Variants in OPCML observed in about 807,000 individuals in gnomAD.
OPCML encodes opioid-binding protein/cell adhesion molecule.
Under a neutral mutation model 37.8 loss-of-function variants are expected in OPCML, and 13 were observed. The observed-to-expected ratio is 0.34, with a 90% CI of 0.22 to 0.55. The LOEUF (loss-of-function observed/expected upper bound fraction) is 0.55, where lower values mean the gene tolerates loss of function less well. Ranked by LOEUF, OPCML falls within the 20% of genes least tolerant of loss-of-function variation. The pLI is 0.91. For missense variants in OPCML, 341 were observed against 435.6 expected, an observed-to-expected ratio of 0.78 and a Z score of 1.93; for synonymous variants, 176 against 168.8, an observed-to-expected ratio of 1.04 and a Z score of -0.33.
intron 1 of OPCML, among the ~76,000 whole-genome samples, chr11:133,390,331 C>A (rs181485540): frequency 6.6e-6 from 1 of 151,914 alleles, no homozygotes; most frequent in African/African-American, 2.4e-5. Flanking sequence ...GGTGTGGTGG[C>A]GGGCGCCTGT....
intron 2 of OPCML, among the ~76,000 whole-genome samples, chr11:132,809,530 T>C (rs1939207146): frequency 6.6e-6 from 1 of 152,186 alleles, no homozygotes; most frequent in African/African-American, 2.4e-5. Flanking sequence ...ATTATAAATC[T>C]TAACAACATT....
At chr11:133,238,667 C>T (rs1443140724) in intron 1 of OPCML, among the ~76,000 whole-genome samples, 2 of 152,012 alleles carry the variant, frequency 1.3e-5, no homozygotes, top group Admixed American at 6.6e-5. Context: ...CCTGAAGTCT[C>T]GGAGTCATAA....
chr11:133,403,610 C>T (rs1424971242), intron 1 of OPCML, among the ~76,000 whole-genome samples: 1 of 152,044 alleles, frequency 6.6e-6, no homozygotes, highest in African/African-American at 2.4e-5. Context: ...AGGAGATTAC[C>T]CTTTTATGGC....
chr11:132,804,636 G>A (rs1463422010), intron 2 of OPCML, among the ~76,000 whole-genome samples: 1 of 152,170 alleles, frequency 6.6e-6, no homozygotes, highest in Admixed American at 6.5e-5. Context: ...TGGTCCTATG[G>A]TGTAATGACT....
At chr11:133,091,449 A>C (rs1156985638) in intron 1 of OPCML, among the ~76,000 whole-genome samples, 1 of 152,216 alleles carries the variant, frequency 6.6e-6, no homozygotes, top group East Asian at 1.9e-4. Flanking sequence ...GCACCTCTTC[A>C]ATAATGCAAA....
At chr11:133,442,770 T>C (rs980656327) in intron 1 of OPCML, among the ~76,000 whole-genome samples, 1 of 151,652 alleles carries the variant, frequency 6.6e-6, no homozygotes, top group African/African-American at 2.4e-5. Flanking sequence ...TGTGTGTCTT[T>C]TTTGAGGGAA....
At chr11:133,274,276 T>C (rs926271648) in intron 1 of OPCML, among the ~76,000 whole-genome samples, 2 of 152,192 alleles carry the variant, frequency 1.3e-5, no homozygotes, top group African/African-American at 2.4e-5. Context: ...GATTTGGCTA[T>C]AGAGTCTTGG....
intron 1 of OPCML, among the ~76,000 whole-genome samples, chr11:133,449,245 C>G (rs1006470605): frequency 6.6e-6 from 1 of 152,216 alleles, no homozygotes; most frequent in Non-Finnish European, 1.5e-5. Context: ...AAGCTTTTTT[C>G]TGCAAAAGGA....
intron 2 of OPCML, among the ~76,000 whole-genome samples, chr11:132,736,419 A>G (rs899779585): frequency 6.6e-6 from 1 of 152,214 alleles, no homozygotes; most frequent in Non-Finnish European, 1.5e-5. Context: ...TTGGAGGAAT[A>G]TGAATGGTTA....
intron 1 of OPCML, among the ~76,000 whole-genome samples, chr11:133,480,238 T>G (rs1947345353): frequency 6.6e-6 from 1 of 152,230 alleles, no homozygotes; most frequent in Admixed American, 6.5e-5. Context: ...TGCCCTGAAC[T>G]GGCTCTGTTG....
At chr11:133,081,203 A>T (rs1948711158) in intron 1 of OPCML, among the ~76,000 whole-genome samples, 1 of 152,008 alleles carries the variant, frequency 6.6e-6, no homozygotes, top group Non-Finnish European at 1.5e-5. Context: ...CATCCCTTAT[A>T]TTTACAGGAC....
chr11:132,758,452 C>T (rs1946139672), intron 2 of OPCML, among the ~76,000 whole-genome samples: 2 of 151,102 alleles, frequency 1.3e-5, no homozygotes, highest in African/African-American at 2.4e-5. Flanking sequence ...AATGATTTTC[C>T]GTTTGTGTCC....
chr11:133,106,525 G>C (rs1027360294), intron 1 of OPCML, among the ~76,000 whole-genome samples: 1 of 152,234 alleles, frequency 6.6e-6, no homozygotes, highest in Admixed American at 6.5e-5. Flanking sequence ...TCCCCTAGCA[G>C]TGTAAGGAAC....
chr11:132,964,736 C>T (rs1252270347), intron 1 of OPCML, among the ~76,000 whole-genome samples: 1 of 152,172 alleles, frequency 6.6e-6, no homozygotes, highest in Non-Finnish European at 1.5e-5. Context: ...TCAGCAGGCA[C>T]ATGTGGATGA....
intron 2 of OPCML, among the ~76,000 whole-genome samples, chr11:132,740,440 G>T (rs1286397082): frequency 6.6e-6 from 1 of 152,152 alleles, no homozygotes; most frequent in Non-Finnish European, 1.5e-5. Context: ...CGTGAAAATG[G>T]GTAGAAAAAG....
At chr11:133,326,205 C>T (rs1483558889) in intron 1 of OPCML, among the ~76,000 whole-genome samples, 3 of 151,210 alleles carry the variant, frequency 2.0e-5, no homozygotes, top group Non-Finnish European at 4.4e-5. Context: ...TTTTGCCTCT[C>T]CTTTGTGTGG....
At chr11:133,229,762 C>A (rs941630120) in intron 1 of OPCML, among the ~76,000 whole-genome samples, 1 of 152,228 alleles carries the variant, frequency 6.6e-6, no homozygotes, top group African/African-American at 2.4e-5. Flanking sequence ...TAAGGGGGAA[C>A]TGCTGGACAA....
chr11:132,726,545 T>G (rs1036718394), intron 2 of OPCML, among the ~76,000 whole-genome samples: 8 of 151,744 alleles, frequency 5.3e-5, no homozygotes, highest in African/African-American at 1.9e-4. Flanking sequence ...AATAATGAGG[T>G]TACAGTTTTG....
intron 1 of OPCML, among the ~76,000 whole-genome samples, chr11:133,040,533 T>C (rs1947870378): frequency 2.0e-5 from 3 of 152,128 alleles, no homozygotes; most frequent in Admixed American, 1.3e-4. Context: ...CCTGCATGCA[T>C]GTGTCAGGAG....
Sources: gnomAD v4.1 joint callset for allele counts (sites outside exome capture counted in the v4.1 genomes callset) on GRCh38, gnomAD v4.1.1 for gene constraint, MANE v1.5 for transcripts, NCBI Gene and HGNC (gene_info 2026-07-23, HGNC 2026-07-21) for gene names.